The following FRMD6 variants were observed in gnomAD, a reference collection of about 807,000 sequenced individuals.
FRMD6 encodes FERM domain-containing protein 6.
Under a neutral mutation model 73.2 loss-of-function variants are expected in FRMD6, and 37 were observed. That is an observed-to-expected ratio of 0.51 (90% CI 0.39 to 0.66). The LOEUF is 0.66. FRMD6 is among the 30% of genes least tolerant of loss of function. FRMD6 has a pLI of 0.00. For synonymous variants in FRMD6, 273 were observed against 282.2 expected, an observed-to-expected ratio of 0.97 and a Z score of 0.33; for missense variants, 714 against 780.5, an observed-to-expected ratio of 0.91 and a Z score of 1.02.
intron 1 of FRMD6, among the ~76,000 whole-genome samples, chr14:51,654,671 T>G (rs1389893874): frequency 6.6e-6 from 1 of 152,158 alleles, no homozygotes; most frequent in African/African-American, 2.4e-5. Context: ...AGTCCAGATG[T>G]AAAAATGTAT....
chr14:51,414,945 C>T, the FRMD6 span, among the ~76,000 whole-genome samples: 1 of 152,086 alleles, frequency 6.6e-6, no homozygotes, highest in South Asian at 2.1e-4. Flanking sequence ...TGATTTGGCT[C>T]TCTGTTTGTC....
At chr14:51,480,753 C>T in the FRMD6 span, among the ~76,000 whole-genome samples, 1 of 152,116 alleles carries the variant, frequency 6.6e-6, no homozygotes. Flanking sequence ...ATAGCATCTA[C>T]CTCACAATGA....
At chr14:51,514,635 G>T (rs908812861) in intron 1 of FRMD6, among the ~76,000 whole-genome samples, 1 of 152,212 alleles carries the variant, frequency 6.6e-6, no homozygotes, top group Non-Finnish European at 1.5e-5. Flanking sequence ...ATCACTTGAT[G>T]TCAGGAGTTC....
chr14:51,536,556 T>TTCTTAGAG (rs1424187425), intron 1 of FRMD6, among the ~76,000 whole-genome samples: 3 of 152,146 alleles, frequency 2.0e-5, no homozygotes, highest in Non-Finnish European at 4.4e-5. Flanking sequence ...TAGCTGGGAT[T>TTCTTAGAG]ACAGGTGCCT....
upstream of FRMD6, among the ~76,000 whole-genome samples, chr14:51,485,058 G>GT (rs1388681967): frequency 6.6e-6 from 1 of 152,212 alleles, no homozygotes; most frequent in Non-Finnish European, 1.5e-5. Flanking sequence ...AGAACACAGC[G>GT]TAATTGAAGT....
At chr14:51,596,851 A>G (rs2139774384) in intron 2 of FRMD6, among the ~76,000 whole-genome samples, 1 of 152,308 alleles carries the variant, frequency 6.6e-6, no homozygotes, top group Non-Finnish European at 1.5e-5. Flanking sequence ...CCATGCAATG[A>G]CCAGCTCATC....
In FRMD6 at chr14:51,715,645, A is replaced by T. The variant is rs921787424; in HGVS notation, c.1024+146A>T. The stretch of plus-strand genomic sequence containing the variant: ...AGAGCAGCATTACTATTTACATCTC[A>T]GTATTTCCAGAAGGCAAAGGGTTAG... On this transcript the variant is annotated intron_variant, in intron 10 of 13. Transcript: ENST00000344768. 5.2e-6 allele frequency: 3 copies of T among 579,228 alleles called. No individual in the cohort carries two copies. The African/African-American group carries it at 5.7e-5, about 11-fold the overall frequency. 35.9% of individuals were successfully genotyped at this position (579,228 alleles called of 1,614,324 possible).
chr14:51,623,646 C>T (rs976794259), intron 2 of FRMD6, among the ~76,000 whole-genome samples: 2 of 152,186 alleles, frequency 1.3e-5, no homozygotes, highest in African/African-American at 2.4e-5. Flanking sequence ...TCCTGGAAGA[C>T]CTTTCTAACC....
intron 1 of FRMD6, among the ~76,000 whole-genome samples, chr14:51,560,774 G>A (rs1426736681): frequency 1.3e-5 from 2 of 152,098 alleles, no homozygotes; most frequent in Non-Finnish European, 2.9e-5. Context: ...GTGAGTCACC[G>A]CACCTGGCTG....
chr14:51,629,025 C>T (rs1239942225), intron 2 of FRMD6, among the ~76,000 whole-genome samples: 1 of 151,124 alleles, frequency 6.6e-6, no homozygotes, highest in South Asian at 2.1e-4. Context: ...TACAGACGCC[C>T]GCCACCACGC....
intron 13 of FRMD6, among the ~76,000 whole-genome samples, chr14:51,727,267 A>G (rs1023017381): frequency 3.9e-5 from 6 of 152,122 alleles, no homozygotes; most frequent in African/African-American, 1.4e-4. Flanking sequence ...ATAAAATAAT[A>G]ACAGACCTTG....
chr14:51,711,679 G>T, intron 8 of FRMD6, 83 bp downstream of exon 8: 3 of 996,746 alleles, frequency 3.0e-6, no homozygotes, highest in Non-Finnish European at 4.7e-6. Context: ...CACAGGTTCA[G>T]TAGTTCATTT....
chr14:51,485,192 C>T (rs1882739450), upstream of FRMD6, among the ~76,000 whole-genome samples: 1 of 152,180 alleles, frequency 6.6e-6, no homozygotes, highest in African/African-American at 2.4e-5. Flanking sequence ...TAGAGAAGCC[C>T]GTGTGGGATG....
At chr14:51,628,881 T>TTC (rs1891226850) in intron 2 of FRMD6, among the ~76,000 whole-genome samples, 1 of 130,138 alleles carries the variant, frequency 7.7e-6, no homozygotes, top group South Asian at 2.4e-4. Context: ...TCTTTTCTTT[T>TTC]TTTTTTTTTT....
chr14:51,638,036 G>C (rs1249006329), intron 2 of FRMD6: 1 of 152,298 alleles, frequency 6.6e-6, no homozygotes, highest in Non-Finnish European at 1.5e-5. Context: ...CCAGCACTTT[G>C]GGAGGCCAAG....
chr14:51,726,117 T>G (rs562858197), intron 13 of FRMD6, among the ~76,000 whole-genome samples: 2 of 152,334 alleles, frequency 1.3e-5, no homozygotes, highest in Admixed American at 1.3e-4. Flanking sequence ...TTGGGAAGCC[T>G]CTGTTCTTCA....
rs116666368 is a variant in FRMD6, at chr14:51,499,352, T to C, written c.-210+9932T>C. 2.7e-3 allele frequency among the ~76,000 whole-genome samples: 406 copies of C among 152,338 alleles called. 1 individual carries two copies. The highest frequency in any genetic ancestry group is 9.2e-3 in the African/African-American group (384 of 41,576). On this transcript the variant is annotated intron_variant, in intron 1 of 14. Transcript: ENST00000356218. ...AGGTATGAATGGCCCAATTTTCTTT[T>C]CTATATTTCATGCTAAAACTTCTGT...
At chr14:51,610,089 T>C (rs1163096075) in intron 2 of FRMD6, among the ~76,000 whole-genome samples, 1 of 152,166 alleles carries the variant, frequency 6.6e-6, no homozygotes, top group Non-Finnish European at 1.5e-5. Context: ...GCATTTGTGG[T>C]GGACAGTTCT....
chr14:51,709,359 G>A (rs544273490), intron 7 of FRMD6, among the ~76,000 whole-genome samples: 15 of 152,306 alleles, frequency 9.8e-5, no homozygotes, highest in African/African-American at 3.1e-4. Context: ...GCTTAAAACA[G>A]TGCCCAGCAC....
Sources: gnomAD v4.1 joint callset for allele counts (sites outside exome capture counted in the v4.1 genomes callset) on GRCh38, gnomAD v4.1.1 for gene constraint, MANE v1.5 for transcripts, NCBI Gene and HGNC (gene_info 2026-07-23, HGNC 2026-07-21) for gene names.